Variants in BCAS3 observed in about 807,000 individuals in gnomAD.
BCAS3 encodes BCAS4/BCAS3 fusion.
In BCAS3, 53 loss-of-function variants were observed where a neutral mutation model predicts 116.1. The observed-to-expected ratio is 0.46, with a 90% CI of 0.37 to 0.57. The LOEUF (loss-of-function observed/expected upper bound fraction) is 0.57, where lower values mean the gene tolerates loss of function less well. Ranked by LOEUF, BCAS3 falls within the 20% of genes least tolerant of loss-of-function variation. The probability of loss-of-function intolerance (pLI) is 0.00; values close to 1 mark genes in which losing one functional copy is unlikely to be tolerated. For synonymous variants in BCAS3, 391 were observed against 408.2 expected (o/e 0.96, Z 0.51); for missense variants, 917 against 1,165.4 (o/e 0.79, Z 3.10).
At chr17:61,370,314 C>G (rs1568959132) in intron 23 of BCAS3, among the ~76,000 whole-genome samples, 1 of 150,466 alleles carries the variant, frequency 6.6e-6, no homozygotes, top group Non-Finnish European at 1.5e-5. Context: ...CCTCCCCAAA[C>G]TGTCACCAAA....
chr17:60,937,542 C>T (rs1395832944), intron 13 of BCAS3, among the ~76,000 whole-genome samples: 1 of 152,168 alleles, frequency 6.6e-6, no homozygotes, highest in East Asian at 1.9e-4. Flanking sequence ...TAAGCAACAT[C>T]CATAGTGTTT....
intron 15 of BCAS3, among the ~76,000 whole-genome samples, chr17:61,009,466 C>T (rs781442901): frequency 4.1e-4 from 63 of 152,110 alleles, no homozygotes; most frequent in Non-Finnish European, 8.1e-4. Flanking sequence ...AAAAATTTCT[C>T]TCTCTCTCTG....
chr17:60,871,342 A>T (rs1567755789), intron 8 of BCAS3, among the ~76,000 whole-genome samples: 1 of 151,428 alleles, frequency 6.6e-6, no homozygotes, highest in Non-Finnish European at 1.5e-5. Context: ...TTTTTTTAAC[A>T]TTTTTTTTGT....
intron 14 of BCAS3, among the ~76,000 whole-genome samples, chr17:60,969,323 T>C (rs1053688265): frequency 6.6e-6 from 1 of 152,182 alleles, no homozygotes; most frequent in Admixed American, 6.5e-5. Flanking sequence ...AAGGAAAATA[T>C]GCTTCTTTTA....
At chr17:61,308,076 T>C (rs1196948539) in intron 22 of BCAS3, among the ~76,000 whole-genome samples, 2 of 152,160 alleles carry the variant, frequency 1.3e-5, no homozygotes, top group Non-Finnish European at 2.9e-5. Flanking sequence ...GACCTGGGAA[T>C]TCGGGTCAGA....
rs904978432 is a variant in BCAS3, at chr17:61,213,943, G to A, written c.2425+129379G>A. On this transcript the variant is annotated intron_variant, in intron 22 of 23. Coordinates refer to ENST00000407086, the MANE Select transcript of BCAS3 (RefSeq NM_017679.5). The surrounding 1 kb of genome is among the most constrained non-coding windows in gnomAD (Gnocchi z 5.4). ...AATGTAGTGCAGAGGGAAGACAAGT[G>A]AGGAATTATGGCAGCCAAATGTCTC... Among the ~76,000 whole-genome samples the A allele has an allele frequency of 1.3e-5, 2 of 152,140 alleles. No homozygotes were observed. The highest frequency in any genetic ancestry group is 2.9e-5 in the Non-Finnish European group (2 of 68,032).
intron 14 of BCAS3, among the ~76,000 whole-genome samples, chr17:60,974,831 T>G (rs967561435): frequency 1.3e-5 from 2 of 152,150 alleles, no homozygotes; most frequent in African/African-American, 4.8e-5. Context: ...TAATAATGAG[T>G]GCCCTAATGA....
intron 5 of BCAS3, among the ~76,000 whole-genome samples, chr17:60,713,524 T>C (rs770831954): frequency 2.6e-5 from 4 of 152,140 alleles, no homozygotes; most frequent in Non-Finnish European, 4.4e-5. Context: ...CAACTGTGGA[T>C]TGAAAATATT....
intron 22 of BCAS3, among the ~76,000 whole-genome samples, chr17:61,345,696 G>A (rs921825727): frequency 1.3e-5 from 2 of 152,112 alleles, no homozygotes; most frequent in African/African-American, 4.8e-5. Flanking sequence ...GAGCAGAGGT[G>A]GGGACTTTAC....
rs2057662626 is a variant in BCAS3, at chr17:61,348,832, A to C, written c.2426-19495A>C. ...CAGTGGCATGATACCGGCTCACTGC[A>C]AGCTCCGCCTCCCAGGTTAATGCCA... is the stretch of plus-strand genomic sequence containing the variant. On this transcript the variant is annotated intron_variant, in intron 22 of 23. Transcript: ENST00000407086. This position sits in a 1 kb window ranked among gnomAD's most constrained non-coding sequence, Gnocchi z 4.5. Among the ~76,000 whole-genome samples the C allele has an allele frequency of 6.7e-6, 1 of 148,574 alleles. No homozygotes were observed. The highest frequency in any genetic ancestry group is 1.5e-5 in the Non-Finnish European group (1 of 67,584).
chr17:61,060,948 TC>T (rs1181348495), intron 19 of BCAS3, among the ~76,000 whole-genome samples: 1 of 152,136 alleles, frequency 6.6e-6, no homozygotes, highest in African/African-American at 2.4e-5. Flanking sequence ...GCAAGGAAGA[TC>T]AAGCCTGGAA....
At chr17:61,237,437 A>G (rs1176061406) in intron 22 of BCAS3, among the ~76,000 whole-genome samples, 3 of 152,238 alleles carry the variant, frequency 2.0e-5, no homozygotes, top group African/African-American at 7.2e-5. Flanking sequence ...AAGGAATAAA[A>G]GCTGGCCATC....
chr17:60,703,530 C>T (rs889500207), intron 4 of BCAS3, among the ~76,000 whole-genome samples: 2 of 151,438 alleles, frequency 1.3e-5, no homozygotes, highest in Non-Finnish European at 2.9e-5. Context: ...CATTGCACTT[C>T]AGCCTGGGCA....
intron 6 of BCAS3, among the ~76,000 whole-genome samples, chr17:60,803,060 G>A (rs1352596896): frequency 6.6e-6 from 1 of 152,208 alleles, no homozygotes; most frequent in Non-Finnish European, 1.5e-5. Context: ...CCCACCTAAA[G>A]GATAAGGTTC....
intron 7 of BCAS3, among the ~76,000 whole-genome samples, chr17:60,865,073 A>G (rs1158017659): frequency 6.6e-6 from 1 of 152,216 alleles, no homozygotes; most frequent in Non-Finnish European, 1.5e-5. Context: ...AATAAATGAA[A>G]GAGTTTGAAG....
chr17:61,088,230 T>G lies in BCAS3; in HGVS notation c.2425+3666T>G, dbSNP rs1016482931. On this transcript the variant is annotated intron_variant, in intron 22 of 23. Transcript: ENST00000407086. This position sits in a 1 kb window ranked among gnomAD's most constrained non-coding sequence, Gnocchi z 4.2. ...AAAACAAAAACCATCCTACCTAAAA[T>G]TTGTGGGGGTTAAATAATTGTAAGA... Among the ~76,000 whole-genome samples the G allele has an allele frequency of 3.9e-5, 6 of 151,996 alleles. No homozygotes were observed. The highest frequency in any genetic ancestry group is 8.8e-5 in the Non-Finnish European group (6 of 67,984).
At position 61,251,132 on chromosome 17, in the gene BCAS3, T is replaced by TTCCAC. The variant is rs1305592612; in HGVS notation, c.2426-117194_2426-117193insCCACT. Among the ~76,000 whole-genome samples, 1 of 152,234 alleles carries TTCCAC rather than the reference T, an allele frequency of 6.6e-6. No individual in the cohort carries two copies. Among genetic ancestry groups the TTCCAC allele is most frequent in the Non-Finnish European group, 1.5e-5 (1 of 68,038 alleles). ...CAGTCTTACATCACTGGTGCAAGAA[T>TTCCAC]TGGGCAGTGCTTGCCCAGCTGGAAG... On this transcript the variant is annotated intron_variant, in intron 22 of 23. Transcript: ENST00000407086. The surrounding 1 kb of genome is among the most constrained non-coding windows in gnomAD (Gnocchi z 4.7).
At chr17:60,754,698 C>T (rs1028097540) in intron 6 of BCAS3, among the ~76,000 whole-genome samples, 9 of 14,452 alleles carry the variant, frequency 6.2e-4, no homozygotes, top group African/African-American at 1.0e-3. Context: ...CACACACACA[C>T]ACACACACAC....
chr17:60,988,342 T>TC (rs796125214), intron 14 of BCAS3, among the ~76,000 whole-genome samples: 19 of 126,808 alleles, frequency 1.5e-4, no homozygotes, highest in African/African-American at 5.0e-4. Flanking sequence ...CTTTTTCTTT[T>TC]TTTTTTTTTT....
Sources: gnomAD v4.1 joint callset for allele counts (sites outside exome capture counted in the v4.1 genomes callset) on GRCh38, gnomAD v4.1.1 for gene constraint, Gnocchi (gnomAD v3.1) non-coding constraint, MANE v1.5 for transcripts, NCBI Gene and HGNC (gene_info 2026-07-23, HGNC 2026-07-21) for gene names.